The following CALN1 variants were observed in gnomAD, a reference collection of about 807,000 sequenced individuals.
CALN1 encodes calneuron 1, also known as calcium-binding protein 8.
In CALN1, 17 loss-of-function variants were observed where a neutral mutation model predicts 30.6. The observed-to-expected ratio is 0.56, with a 90% CI of 0.38 to 0.83. The LOEUF (loss-of-function observed/expected upper bound fraction) is 0.83, where lower values mean the gene tolerates loss of function less well. CALN1 is among the 40% of genes least tolerant of loss of function. CALN1 has a pLI of 0.00. For missense variants in CALN1, 291 were observed against 354.9 expected, an observed-to-expected ratio of 0.82 and a Z score of 1.45; for synonymous variants, 156 against 131.4, an observed-to-expected ratio of 1.19 and a Z score of -1.28.
rs184485207 is a variant in CALN1 at position 72,354,295 on chromosome 7, G to A, written c.119+48956C>T. ...TAAAAACCTCAAAACATTGCTGAGA[G>A]AGATTAAAGAAGACCAAAAATAAAT... On this transcript the variant is annotated intron_variant, in intron 2 of 6. Coordinates refer to ENST00000395275, the MANE Select transcript of CALN1 (RefSeq NM_031468.4). Among the ~76,000 whole-genome samples the A allele has an allele frequency of 1.4e-3, 217 of 152,266 alleles. 1 individual carries two copies. The highest frequency in any genetic ancestry group is 4.5e-3 in the African/African-American group (186 of 41,560).
intron 5 of CALN1, among the ~76,000 whole-genome samples, chr7:71,990,426 C>T (rs1015326479): frequency 6.6e-6 from 1 of 152,060 alleles, no homozygotes; most frequent in Non-Finnish European, 1.5e-5. Flanking sequence ...CAGCCCATGC[C>T]ACTGCTCTGC....
chr7:71,864,895 T>C (rs1791498775), intron 5 of CALN1, among the ~76,000 whole-genome samples: 1 of 151,818 alleles, frequency 6.6e-6, no homozygotes, highest in South Asian at 2.1e-4. Flanking sequence ...ACTAGTTGCT[T>C]GGGAAGTTGA....
chr7:71,956,052 A>G (rs1349004585), intron 5 of CALN1, among the ~76,000 whole-genome samples: 7 of 150,882 alleles, frequency 4.6e-5, no homozygotes, highest in African/African-American at 1.2e-4. Context: ...CAATGGCACT[A>G]TCTCGGTTCA....
the CALN1 span, among the ~76,000 whole-genome samples, chr7:72,462,701 G>T: frequency 6.6e-6 from 1 of 152,248 alleles, no homozygotes; most frequent in African/African-American, 2.4e-5. Flanking sequence ...AGATTCAGGG[G>T]CAGATGTGAG....
chr7:71,914,118 T>C (rs984478419), intron 5 of CALN1, among the ~76,000 whole-genome samples: 11 of 152,168 alleles, frequency 7.2e-5, no homozygotes, highest in African/African-American at 2.7e-4. Flanking sequence ...GCTTGTGTCA[T>C]GGGGGTCTGT....
At chr7:72,267,588 G>A (rs950900679) in intron 3 of CALN1, among the ~76,000 whole-genome samples, 1 of 152,258 alleles carries the variant, frequency 6.6e-6, no homozygotes, top group Admixed American at 6.5e-5. Context: ...GTACATGAAA[G>A]TGAATGGCAT....
At chr7:72,407,641 G>A (rs938100402) in intron 1 of CALN1, among the ~76,000 whole-genome samples, 2 of 152,176 alleles carry the variant, frequency 1.3e-5, no homozygotes, top group African/African-American at 4.8e-5. Context: ...TGTATAGCCT[G>A]CAGAACCGTG....
intron 3 of CALN1, among the ~76,000 whole-genome samples, chr7:72,205,077 T>C (rs1037527164): frequency 6.6e-6 from 1 of 152,230 alleles, no homozygotes. Context: ...TGCTTTATTT[T>C]CAATTTCTAT....
intron 2 of CALN1, among the ~76,000 whole-genome samples, chr7:72,280,507 C>A (rs1797663945): frequency 6.6e-6 from 1 of 152,212 alleles, no homozygotes; most frequent in African/African-American, 2.4e-5. Context: ...GAATCTTTCT[C>A]TAGAAGAACA....
chr7:72,273,086 T>C (rs1392032159), intron 3 of CALN1, among the ~76,000 whole-genome samples: 1 of 148,818 alleles, frequency 6.7e-6, no homozygotes, highest in African/African-American at 2.5e-5. Context: ...GCTACATGAA[T>C]GTCTTCTGGA....
intron 4 of CALN1, among the ~76,000 whole-genome samples, chr7:72,087,827 G>C (rs1349845229): frequency 6.6e-6 from 1 of 152,130 alleles, no homozygotes; most frequent in Admixed American, 6.6e-5. Context: ...AAACAAAAAA[G>C]GGTTGAACAA....
intron 2 of CALN1, chr7:72,336,959 G>A (rs901760456): frequency 3.0e-6 from 3 of 985,094 alleles, no homozygotes; most frequent in African/African-American, 3.5e-5. Flanking sequence ...TCGTCGACTC[G>A]GAGCGCGATC....
At chr7:71,827,775 A>AAAAAAAAATAAATAAAT (rs1554347603) in intron 5 of CALN1, among the ~76,000 whole-genome samples, 3 of 140,282 alleles carry the variant, frequency 2.1e-5, no homozygotes, top group African/African-American at 8.1e-5. Context: ...CCATCTTAAA[A>AAAAAAAAATAAATAAAT]AAATAAATAA....
chr7:72,299,688 T>A (rs773020944), intron 2 of CALN1, among the ~76,000 whole-genome samples: 2 of 118,364 alleles, frequency 1.7e-5, no homozygotes, highest in South Asian at 3.2e-4. Context: ...GATGCTCTTA[T>A]CTTTTTTTTT....
chr7:71,789,400 G>C (rs956206082), intron 6 of CALN1, among the ~76,000 whole-genome samples: 2 of 151,794 alleles, frequency 1.3e-5, no homozygotes, highest in Non-Finnish European at 2.9e-5. Context: ...CTGGGAGACA[G>C]AGCGAGACTC....
At chr7:72,056,640 T>G (rs1290273835) in intron 4 of CALN1, among the ~76,000 whole-genome samples, 6 of 152,132 alleles carry the variant, frequency 3.9e-5, no homozygotes, top group Non-Finnish European at 7.4e-5. Context: ...ATTCACAGAC[T>G]TGCTAACATA....
intron 5 of CALN1, among the ~76,000 whole-genome samples, chr7:71,990,698 C>T (rs1798902071): frequency 6.6e-6 from 1 of 152,156 alleles, no homozygotes. Context: ...AGTGATCCAC[C>T]AGTCTTGGCC....
chr7:71,886,021 T>C (rs1380793044), intron 5 of CALN1, among the ~76,000 whole-genome samples: 2 of 152,248 alleles, frequency 1.3e-5, no homozygotes, highest in East Asian at 3.8e-4. Flanking sequence ...AACATGTGAA[T>C]GGCAGAAGAA....
chr7:72,400,930 C>A (rs1363427835), intron 2 of CALN1, among the ~76,000 whole-genome samples: 1 of 152,140 alleles, frequency 6.6e-6, no homozygotes, highest in African/African-American at 2.4e-5. Context: ...TGAGACACAT[C>A]AAGGAGACTC....
Sources: allele counts gnomAD v4.1 joint callset (sites outside exome capture counted in the v4.1 genomes callset), GRCh38; gene constraint gnomAD v4.1.1; transcripts MANE v1.5; gene names NCBI Gene and HGNC (gene_info 2026-07-23, HGNC 2026-07-21).